ENTREP2: variants seen among roughly 807,000 people sequenced by gnomAD.
ENTREP2 encodes the protein protein ENTREP2.
chr15:29,379,606 C>T, the ENTREP2 span, among the ~76,000 whole-genome samples: 2 of 152,148 alleles, frequency 1.3e-5, no homozygotes, highest in Non-Finnish European at 2.9e-5. Context: ...CCAGCTGCTG[C>T]TACATCCCCC....
the ENTREP2 span, among the ~76,000 whole-genome samples, chr15:29,382,473 G>A: frequency 2.6e-5 from 4 of 151,770 alleles, no homozygotes; most frequent in African/African-American, 4.8e-5. Context: ...ACTCATCACA[G>A]CTTCCCACCT....
At chr15:29,569,624 C>G in the ENTREP2 span, 1 of 152,222 alleles carries the variant, frequency 6.6e-6, no homozygotes, top group African/African-American at 2.4e-5. Context: ...ATATCTCTCC[C>G]ATTCCCATAA....
the ENTREP2 span, among the ~76,000 whole-genome samples, chr15:29,171,676 G>A: frequency 6.6e-6 from 1 of 152,066 alleles, no homozygotes; most frequent in Non-Finnish European, 1.5e-5. Context: ...ACTCATAAAA[G>A]GTCTCAAGTA....
the ENTREP2 span, among the ~76,000 whole-genome samples, chr15:29,342,510 T>C: frequency 6.6e-6 from 1 of 152,192 alleles, no homozygotes; most frequent in African/African-American, 2.4e-5. Context: ...CCGGGATTCC[T>C]GAGTCAAAGC....
At chr15:29,565,940 G>A in the ENTREP2 span, among the ~76,000 whole-genome samples, 117 of 150,540 alleles carry the variant, frequency 7.8e-4, no homozygotes, top group African/African-American at 2.8e-3. Context: ...CAGCCTGGGC[G>A]ATAGAGCAAG....
chr15:29,574,443 G>A, the ENTREP2 span, among the ~76,000 whole-genome samples: 13 of 152,178 alleles, frequency 8.5e-5, no homozygotes, highest in East Asian at 1.4e-3. Flanking sequence ...ACAGGCGCAC[G>A]CCCCCATGCC....
the ENTREP2 span, chr15:29,123,388 C>T: frequency 1.1e-5 from 17 of 1,546,044 alleles, no homozygotes; most frequent in South Asian, 3.6e-5. Context: ...CTCCTCGAGG[C>T]GCTCCTCGTT....
chr15:29,600,680 G>A, the ENTREP2 span, among the ~76,000 whole-genome samples: 5 of 151,804 alleles, frequency 3.3e-5, no homozygotes, highest in South Asian at 2.1e-4. Context: ...CTATATTGCC[G>A]GGGCCAGTCT....
chr15:29,444,196 AAGAAAGAAAGAAAGAAAGAAAG>A, the ENTREP2 span, among the ~76,000 whole-genome samples: 1 of 142,306 alleles, frequency 7.0e-6, no homozygotes, highest in Non-Finnish European at 1.5e-5. Flanking sequence ...GAAAGAAAGA[AAGAAAGAAAGAAAGAAAGAAAG>A]AAAGAAAGAA....
At chr15:29,350,195 T>TAA in the ENTREP2 span, among the ~76,000 whole-genome samples, 1 of 152,314 alleles carries the variant, frequency 6.6e-6, no homozygotes. Flanking sequence ...TTTGAGTTCT[T>TAA]TAATAACTAT....
At chr15:29,131,522 C>T in the ENTREP2 span, among the ~76,000 whole-genome samples, 1 of 148,210 alleles carries the variant, frequency 6.7e-6, no homozygotes, top group Non-Finnish European at 1.5e-5. Flanking sequence ...GCTGAAGCTC[C>T]CACAGCCAGG....
At chr15:29,209,939 G>T in the ENTREP2 span, among the ~76,000 whole-genome samples, 1 of 152,216 alleles carries the variant, frequency 6.6e-6, no homozygotes, top group African/African-American at 2.4e-5. Context: ...GGATGCAAAA[G>T]TGTCACCTGG....
chr15:29,467,759 C>T, the ENTREP2 span, among the ~76,000 whole-genome samples: 10 of 152,190 alleles, frequency 6.6e-5, no homozygotes, highest in Admixed American at 6.5e-4. Flanking sequence ...GCACAGAAGG[C>T]AGTGTCCAGC....
chr15:29,354,786 C>T, the ENTREP2 span, among the ~76,000 whole-genome samples: 1 of 152,068 alleles, frequency 6.6e-6, no homozygotes, highest in Non-Finnish European at 1.5e-5. Context: ...TAAAACTCTG[C>T]ACTGGAAATA....
At chr15:29,331,021 G>C in the ENTREP2 span, among the ~76,000 whole-genome samples, 1 of 152,208 alleles carries the variant, frequency 6.6e-6, no homozygotes, top group South Asian at 2.1e-4. Context: ...AGGCTCAGGG[G>C]CTGTGTCCCC....
chr15:29,511,323 TTTC>T, the ENTREP2 span, among the ~76,000 whole-genome samples: 9 of 148,382 alleles, frequency 6.1e-5, no homozygotes, highest in African/African-American at 1.5e-4. Flanking sequence ...AGATTTTACT[TTTC>T]TTCTTCTTTT....
the ENTREP2 span, among the ~76,000 whole-genome samples, chr15:29,420,765 A>G: frequency 6.6e-6 from 1 of 152,178 alleles, no homozygotes; most frequent in Non-Finnish European, 1.5e-5. Flanking sequence ...CAGATTTCCC[A>G]GCCCTGCACC....
the ENTREP2 span, among the ~76,000 whole-genome samples, chr15:29,133,464 C>T: frequency 6.6e-6 from 1 of 152,182 alleles, no homozygotes; most frequent in Non-Finnish European, 1.5e-5. Flanking sequence ...CTGCGCTCCC[C>T]TGCGCACGTG....
At chr15:29,538,352 G>T in the ENTREP2 span, among the ~76,000 whole-genome samples, 4 of 152,170 alleles carry the variant, frequency 2.6e-5, no homozygotes, top group Non-Finnish European at 4.4e-5. Flanking sequence ...AGGAAGGAGA[G>T]AAGAGCCAGA....
Sources: gnomAD v4.1 joint callset for allele counts (sites outside exome capture counted in the v4.1 genomes callset) on GRCh38, gnomAD v4.1.1 for gene constraint, MANE v1.5 for transcripts, NCBI Gene and HGNC (gene_info 2026-07-23, HGNC 2026-07-21) for gene names.